Variants in BCAS3 observed in about 807,000 individuals in gnomAD.
The protein encoded by BCAS3 is BCAS4/BCAS3 fusion.
In BCAS3, 53 loss-of-function variants were observed where a neutral mutation model predicts 116.1. The observed-to-expected ratio is 0.46, with a 90% CI of 0.37 to 0.57. BCAS3 has a LOEUF of 0.57. Among genes scored for constraint, BCAS3 ranks in the 20% least tolerant of loss-of-function variants. The pLI is 0.00. For missense variants in BCAS3, 917 were observed against 1,165.4 expected, an observed-to-expected ratio of 0.79 and a Z score of 3.10; for synonymous variants, 391 against 408.2, an observed-to-expected ratio of 0.96 and a Z score of 0.51.
chr17:61,150,051 A>T (rs762721951), intron 22 of BCAS3, among the ~76,000 whole-genome samples: 2 of 152,168 alleles, frequency 1.3e-5, no homozygotes, highest in African/African-American at 4.8e-5. Flanking sequence ...GGGGGTGGGG[A>T]GGAGAGGCGG....
rs1396238269 is a variant in BCAS3, at chr17:61,390,478, C to G, written c.2594-1499C>G. The G allele has an allele frequency of 6.6e-6, 1 of 152,292 alleles. No homozygotes were observed. Among genetic ancestry groups the G allele is most frequent in the Admixed American group, 6.5e-5 (1 of 15,274 alleles). The allele number at this position is 152,292 out of a possible 1,614,324, so 9.4% of individuals were successfully genotyped here. On this transcript the variant is annotated intron_variant, in intron 23 of 23. Coordinates refer to ENST00000407086, the MANE Select transcript of BCAS3 (RefSeq NM_017679.5). This position sits in a 1 kb window ranked among gnomAD's most constrained non-coding sequence, Gnocchi z 6.8. ...CACAGTCCCATCCCCCTACTTTCCC[C>G]AATTTGCCAAGAAGCCCTGGTGTCC...
At chr17:60,841,565 T>TTTTTTTTG (rs60652201) in intron 7 of BCAS3, among the ~76,000 whole-genome samples, 7 of 142,980 alleles carry the variant, frequency 4.9e-5, no homozygotes, top group African/African-American at 1.9e-4. Flanking sequence ...TTTTTTTTTT[T>TTTTTTTTG]GTATTTTTAG....
rs368780197 is a variant in BCAS3 at position 61,126,348 on chromosome 17, T to C, written c.2425+41784T>C. The stretch of plus-strand genomic sequence containing the variant: ...ACTGAATTGTCAGTGATACTTATTT[T>C]CAGAGACATTAGAAAAAAAGAGCAG... On this transcript the variant is annotated intron_variant, in intron 22 of 23. Transcript: ENST00000407086. The surrounding 1 kb of genome is among the most constrained non-coding windows in gnomAD (Gnocchi z 4.6). Among the ~76,000 whole-genome samples the C allele has an allele frequency of 7.2e-5, 11 of 152,262 alleles. 1 individual carries two copies. The highest frequency in any genetic ancestry group is 1.9e-4 in the East Asian group (1 of 5,194).
intron 6 of BCAS3, among the ~76,000 whole-genome samples, chr17:60,795,127 C>T (rs1598764857): frequency 6.6e-6 from 1 of 151,976 alleles, no homozygotes; most frequent in Non-Finnish European, 1.5e-5. Flanking sequence ...TCTTTTGAGT[C>T]CTTGGTTATG....
rs1251482293 is a variant in BCAS3, at chr17:61,211,057, G to A, written c.2425+126493G>A. Among the ~76,000 whole-genome samples the A allele has an allele frequency of 6.6e-6, 1 of 152,090 alleles. No individual in the cohort carries two copies. Among genetic ancestry groups the A allele is most frequent in the Admixed American group, 6.5e-5 (1 of 15,268 alleles). ...GTCTTCCCCAAGCTAGGGTCCCAGC[G>A]CTGGGTGGGGGACAGGAGAAAAGGC... On this transcript the variant is annotated intron_variant, in intron 22 of 23. Transcript: ENST00000407086. This position sits in a 1 kb window ranked among gnomAD's most constrained non-coding sequence, Gnocchi z 4.4.
intron 7 of BCAS3, among the ~76,000 whole-genome samples, chr17:60,830,791 C>T (rs544945323): frequency 3.3e-5 from 5 of 150,574 alleles, no homozygotes; most frequent in Admixed American, 6.6e-5. Context: ...AATTTTCTGG[C>T]TCAATAAGGT....
chr17:61,382,134 C>G (rs2143626183), intron 23 of BCAS3, among the ~76,000 whole-genome samples: 1 of 152,072 alleles, frequency 6.6e-6, no homozygotes, highest in South Asian at 2.1e-4. Context: ...TTGAGACCAG[C>G]CTGACCAACA....
At chr17:60,937,856 ACTGTAT>A (rs1233004784) in intron 13 of BCAS3, among the ~76,000 whole-genome samples, 6 of 152,306 alleles carry the variant, frequency 3.9e-5, no homozygotes, top group Admixed American at 3.3e-4. Context: ...GCATTAGTTG[ACTGTAT>A]CTGTATCTGT....
chr17:61,210,617 A>T (rs1442235472), intron 22 of BCAS3, among the ~76,000 whole-genome samples: 1 of 152,222 alleles, frequency 6.6e-6, no homozygotes, highest in Non-Finnish European at 1.5e-5. Flanking sequence ...TTGCTCTGTG[A>T]CCAGGTGCTA....
intron 23 of BCAS3, chr17:61,389,591 C>T (rs2060026810): frequency 6.6e-6 from 1 of 152,330 alleles, no homozygotes; most frequent in Non-Finnish European, 1.5e-5. Context: ...GGGAGAAGTT[C>T]AGCAGAGCCT....
At chr17:60,690,422 T>C (rs750046068) in intron 4 of BCAS3, among the ~76,000 whole-genome samples, 8 of 151,792 alleles carry the variant, frequency 5.3e-5, no homozygotes, top group African/African-American at 9.7e-5. Context: ...CTTAAAAAAT[T>C]AACTAGGCTT....
rs1020211347 is a variant in BCAS3 at position 61,088,746 on chromosome 17, A to G, written c.2425+4182A>G. 1.3e-5 allele frequency among the ~76,000 whole-genome samples: 2 copies of G among 152,232 alleles called. No individual in the cohort carries two copies. The highest frequency in any genetic ancestry group is 4.8e-5 in the African/African-American group (2 of 41,466). ...CCTGATTTGTGGTTTTACTATGGAG[A>G]TGGATGTTTACTAACAAAGAACTCA... On this transcript the variant is annotated intron_variant, in intron 22 of 23. Coordinates refer to ENST00000407086, the MANE Select transcript of BCAS3 (RefSeq NM_017679.5). The surrounding 1 kb of genome is among the most constrained non-coding windows in gnomAD (Gnocchi z 4.2).
intron 13 of BCAS3, among the ~76,000 whole-genome samples, chr17:60,936,504 A>C (rs1239010137): frequency 2.6e-5 from 4 of 152,038 alleles, no homozygotes; most frequent in Non-Finnish European, 5.9e-5. Context: ...ATTTCTCCAC[A>C]TCCTCTCCAG....
At chr17:60,925,446 A>C (rs1389760980) in intron 13 of BCAS3, among the ~76,000 whole-genome samples, 1 of 152,208 alleles carries the variant, frequency 6.6e-6, no homozygotes, top group Non-Finnish European at 1.5e-5. Flanking sequence ...AATGACTATC[A>C]AGTATCTACA....
rs999215198 is a variant in BCAS3 at position 61,213,221 on chromosome 17, G to A, written c.2425+128657G>A. ...GTCTCACTCTGTCACCCAGGCTGGAGTGCGGTGGTGCAGTCTTGGCTCACT... is the reference window on the plus strand; with the variant it reads ...GTCTCACTCTGTCACCCAGGCTGGAATGCGGTGGTGCAGTCTTGGCTCACT... On this transcript the variant is annotated intron_variant, in intron 22 of 23. Coordinates refer to ENST00000407086, the MANE Select transcript of BCAS3 (RefSeq NM_017679.5). This position sits in a 1 kb window ranked among gnomAD's most constrained non-coding sequence, Gnocchi z 5.4. 2.4e-4 allele frequency among the ~76,000 whole-genome samples: 37 copies of A among 152,226 alleles called. No homozygotes were observed. The highest frequency in any genetic ancestry group is 8.9e-4 in the African/African-American group (37 of 41,512).
chr17:60,746,076 G>C (rs1010824860), intron 5 of BCAS3, among the ~76,000 whole-genome samples: 1 of 151,972 alleles, frequency 6.6e-6, no homozygotes, highest in African/African-American at 2.4e-5. Context: ...AATACCATCA[G>C]TATGTTTCCT....
At chr17:60,721,899 C>T (rs1366954493) in intron 5 of BCAS3, among the ~76,000 whole-genome samples, 1 of 152,136 alleles carries the variant, frequency 6.6e-6, no homozygotes, top group Non-Finnish European at 1.5e-5. Context: ...GCTATTCTGA[C>T]TTCTATCACC....
chr17:61,328,430 G>T (rs1400554494), intron 22 of BCAS3, among the ~76,000 whole-genome samples: 1 of 152,132 alleles, frequency 6.6e-6, no homozygotes, highest in African/African-American at 2.4e-5. Context: ...TAAACAACAG[G>T]AAGTTTATTT....
rs967600873 is a variant in BCAS3, at chr17:61,363,338, C to T, written c.2426-4989C>T. On this transcript the variant is annotated intron_variant, in intron 22 of 23. Transcript: ENST00000407086. This position sits in a 1 kb window ranked among gnomAD's most constrained non-coding sequence, Gnocchi z 4.9. ...TGAGCAAGAGTAGTCTTTATACCTT[C>T]GGTAGTTGAGCAGGTAAGACTTGAA... 2.0e-4 allele frequency among the ~76,000 whole-genome samples: 31 copies of T among 152,240 alleles called. No individual in the cohort carries two copies. The highest frequency in any genetic ancestry group is 4.1e-4 in the African/African-American group (17 of 41,534).
Sources: allele counts gnomAD v4.1 joint callset (sites outside exome capture counted in the v4.1 genomes callset), GRCh38; gene constraint gnomAD v4.1.1; non-coding constraint Gnocchi (gnomAD v3.1); transcripts MANE v1.5; gene names NCBI Gene and HGNC (gene_info 2026-07-23, HGNC 2026-07-21).